SMARCA5: variants seen among roughly 807,000 people sequenced by gnomAD.
SMARCA5 encodes the protein SNF2 related chromatin remodeling ATPase 5.
SMARCA5 carries 18 observed loss-of-function variants against 140.4 expected under a neutral mutation model. The ratio of observed to expected loss-of-function variants is 0.13; its 90% confidence interval spans 0.09 to 0.19. The LOEUF is 0.19. SMARCA5 is among the 10% of genes least tolerant of loss of function. SMARCA5 has a pLI of 1.00. For synonymous variants in SMARCA5, 449 were observed against 419.6 expected, an observed-to-expected ratio of 1.07 and a Z score of -0.86; for missense variants, 606 against 1,276.8, an observed-to-expected ratio of 0.47 and a Z score of 8.01.
At chr4:143,517,116 TTCTAA>T (rs1736857400) in intron 1 of SMARCA5, among the ~76,000 whole-genome samples, 1 of 152,216 alleles carries the variant, frequency 6.6e-6, no homozygotes, top group Admixed American at 6.5e-5. Flanking sequence ...TAATCTTGTG[TTCTAA>T]TCTTGGCAAC....
At chr4:143,537,734 G>A (rs1737342707) in intron 11 of SMARCA5, among the ~76,000 whole-genome samples, 1 of 152,008 alleles carries the variant, frequency 6.6e-6, no homozygotes, top group Non-Finnish European at 1.5e-5. Context: ...GGCCAACATG[G>A]TGAAACCCTG....
intron 8 of SMARCA5, among the ~76,000 whole-genome samples, chr4:143,529,480 A>G (rs533710150): frequency 2.6e-5 from 4 of 152,360 alleles, no homozygotes; most frequent in African/African-American, 7.2e-5. Flanking sequence ...AGTCTAACAA[A>G]CAAATAGAAC....
At chr4:143,548,359 T>C (rs966494315) in intron 22 of SMARCA5, 2 of 371,146 alleles carry the variant, frequency 5.4e-6, no homozygotes. Context: ...AGACTAGCTT[T>C]TCAAGTTCTA....
Position 143,534,864 on chromosome 4 carries a change from C to G in SMARCA5, c.1168C>G (p.Pro390Ala). 1 of 1,611,380 alleles carries G rather than the reference C, an allele frequency of 6.2e-7. No individual in the cohort carries two copies. Among genetic ancestry groups the G allele is most frequent in the Admixed American group, 1.7e-5 (1 of 59,514 alleles). ...TTTTGTCCTTTTTAAGGTTTTGCGT[C>G]CATTCCTCCTTCGTCGAATTAAGGC... ...LVERLHMVLR[P>A]FLLRRIKADV... Residue 390 changes from proline (P) to alanine (A), a missense_variant, in exon 10 of 24, where the codon CCA becomes GCA. Transcript: ENST00000283131.
rs764003771 is a variant in SMARCA5 at position 143,513,822 on chromosome 4, C to A, written c.-103C>A. On this transcript the variant is annotated 5_prime_UTR_variant, in exon 1 of 24. Coordinates refer to ENST00000283131, the MANE Select transcript of SMARCA5 (RefSeq NM_003601.4). ...GGAGCGCTCGGGTGGGAGTCTCGCTCCTCCACCAGTTTATTGCGACGTAGC... is the reference window on the plus strand; with the variant it reads ...GGAGCGCTCGGGTGGGAGTCTCGCTACTCCACCAGTTTATTGCGACGTAGC... 104 of 1,339,196 alleles carry A rather than the reference C, an allele frequency of 7.8e-5. No individual in the cohort carries two copies. The highest frequency in any genetic ancestry group is 1.0e-4 in the Non-Finnish European group (101 of 994,224). The allele number at this position is 1,339,196 out of a possible 1,614,324, so 83.0% of individuals were successfully genotyped here. A position where few individuals can be genotyped will look rare whatever the true frequency, so the allele number is the denominator to read the frequency against.
intron 2 of SMARCA5, among the ~76,000 whole-genome samples, chr4:143,521,012 C>G (rs947278456): frequency 4.6e-5 from 7 of 152,040 alleles, no homozygotes; most frequent in African/African-American, 1.7e-4. Context: ...AAAAATTGTT[C>G]CGATCAACTG....
intron 11 of SMARCA5, among the ~76,000 whole-genome samples, chr4:143,537,513 T>A (rs1578800127): frequency 6.6e-6 from 1 of 152,188 alleles, no homozygotes; most frequent in Non-Finnish European, 1.5e-5. Context: ...GATAGATTTT[T>A]AAAAAATGCT....
At chr4:143,522,651 A>G (rs1422560664) in intron 3 of SMARCA5, among the ~76,000 whole-genome samples, 1 of 152,112 alleles carries the variant, frequency 6.6e-6, no homozygotes, top group Non-Finnish European at 1.5e-5. Context: ...TGAAGGGACA[A>G]TTTTGCCCTT....
chr4:143,539,209 T>G (rs1215552389), intron 13 of SMARCA5, among the ~76,000 whole-genome samples: 1 of 151,402 alleles, frequency 6.6e-6, no homozygotes, highest in Non-Finnish European at 1.5e-5. Context: ...TCCCAGGAAA[T>G]TCTTTATGGG....
chr4:143,539,373 T>C (rs945113305), intron 13 of SMARCA5, among the ~76,000 whole-genome samples: 7 of 152,202 alleles, frequency 4.6e-5, no homozygotes, highest in Non-Finnish European at 1.0e-4. Flanking sequence ...GATGAGCAAC[T>C]AGCCTGTCTT....
chr4:143,521,667 A>G (rs1459221316), intron 3 of SMARCA5, 72 bp downstream of exon 3: 8 of 1,291,846 alleles, frequency 6.2e-6, no homozygotes, highest in Non-Finnish European at 6.4e-6. Flanking sequence ...GCATAAAATC[A>G]CTATGATAAA....
At position 143,549,877 on chromosome 4, in the gene SMARCA5, T is replaced by A. The variant is rs191671079; in HGVS notation, c.2986-120T>A. ...ATATGAAAATCAGTTGTTTTTTTTT[T>A]AAATCAGGGGTGTATTAGTGGTTTT... is the stretch of plus-strand genomic sequence containing the variant. On this transcript the variant is annotated intron_variant, in intron 22 of 23. Coordinates refer to ENST00000283131, the MANE Select transcript of SMARCA5 (RefSeq NM_003601.4). The A allele has an allele frequency of 6.6e-4, 360 of 548,570 alleles. No homozygotes were observed. The East Asian group carries it at 0.012, about 18-fold the overall frequency. 34.0% of individuals were successfully genotyped at this position (548,570 alleles called of 1,614,324 possible). A position where few individuals can be genotyped will look rare whatever the true frequency, so the allele number is the denominator to read the frequency against.
In SMARCA5 at chr4:143,553,394, T is replaced by TA; in HGVS notation, c.*214dup. On this transcript the variant is annotated 3_prime_UTR_variant, in exon 24 of 24. Coordinates refer to ENST00000283131, the MANE Select transcript of SMARCA5 (RefSeq NM_003601.4). ...TTTTTATCATTAACACTTGAAGTAA[T>TA]AAAATAGGCTTCATTTATTACTAAG... The TA allele has an allele frequency of 2.3e-6, 1 of 436,870 alleles. No homozygotes were observed. 27.1% of individuals were successfully genotyped at this position (436,870 alleles called of 1,614,324 possible).
intron 2 of SMARCA5, among the ~76,000 whole-genome samples, chr4:143,519,872 C>G (rs533735794): frequency 6.3e-4 from 96 of 152,234 alleles, no homozygotes; most frequent in Admixed American, 6.0e-3. Flanking sequence ...TTCTCCATTT[C>G]TACCATGCCC....
At position 143,513,786 on chromosome 4, in the gene SMARCA5, C is replaced by G. The variant is rs979979884; in HGVS notation, c.-139C>G. The G allele has an allele frequency of 5.5e-5, 54 of 988,200 alleles. No individual in the cohort carries two copies. The highest frequency in any genetic ancestry group is 7.0e-5 in the Non-Finnish European group (48 of 686,190). The allele number at this position is 988,200 out of a possible 1,614,324, so 61.2% of individuals were successfully genotyped here. On this transcript the variant is annotated 5_prime_UTR_variant, in exon 1 of 24. Transcript: ENST00000283131. The stretch of plus-strand genomic sequence containing the variant: ...GCCCGGCTCAGGCCCGTCGCGGAGG[C>G]GCGGCGCAGGGGAGCGCTCGGGTGG...
chr4:143,536,062 A>G (rs1318529090), intron 10 of SMARCA5, among the ~76,000 whole-genome samples: 3 of 152,164 alleles, frequency 2.0e-5, no homozygotes, highest in African/African-American at 4.8e-5. Flanking sequence ...TATGGGGTAT[A>G]TAGTAATCGA....
At chr4:143,524,502 G>T (rs1233141911) in intron 4 of SMARCA5, 35 bp downstream of exon 4, 1 of 1,411,744 alleles carries the variant, frequency 7.1e-7, no homozygotes, top group Non-Finnish European at 1.0e-6. Context: ...TTAAAAAATT[G>T]CCCTTTGAGA....
At chr4:143,523,689 GA>G (rs1194543290) in intron 3 of SMARCA5, among the ~76,000 whole-genome samples, 1 of 152,194 alleles carries the variant, frequency 6.6e-6, no homozygotes, top group Non-Finnish European at 1.5e-5. Flanking sequence ...GGTTTTGGTA[GA>G]AATGAAGTTA....
intron 11 of SMARCA5, among the ~76,000 whole-genome samples, chr4:143,537,099 A>T (rs1245334049): frequency 6.6e-6 from 1 of 152,170 alleles, no homozygotes; most frequent in Admixed American, 6.5e-5. Flanking sequence ...GACCTGAAAC[A>T]TTTTTATTTG....
Sources: allele counts gnomAD v4.1 joint callset (sites outside exome capture counted in the v4.1 genomes callset), GRCh38; gene constraint gnomAD v4.1.1; transcripts MANE v1.5; gene names NCBI Gene and HGNC (gene_info 2026-07-23, HGNC 2026-07-21).